Variants in HCN2 observed in about 807,000 individuals in gnomAD.
HCN2 encodes the protein potassium/sodium hyperpolarization-activated cyclic nucleotide-gated channel 2.
In HCN2, 20 loss-of-function variants were observed where a neutral mutation model predicts 52.3. The observed-to-expected ratio is 0.38, with a 90% CI of 0.27 to 0.56. The LOEUF (loss-of-function observed/expected upper bound fraction) is 0.56. Among genes scored for constraint, HCN2 ranks in the 20% least tolerant of loss-of-function variants. The pLI is 0.71. For missense variants in HCN2, 981 were observed against 1,207.7 expected, an observed-to-expected ratio of 0.81 and a Z score of 2.78; for synonymous variants, 694 against 537.0, an observed-to-expected ratio of 1.29 and a Z score of -4.04.
At chr19:601,042 C>T (rs1023855647) in intron 1 of HCN2, among the ~76,000 whole-genome samples, 1 of 152,190 alleles carries the variant, frequency 6.6e-6, no homozygotes, top group Admixed American at 6.5e-5. Context: ...CGGCCGGGCG[C>T]AGTGGCTCAG....
intron 5 of HCN2, among the ~76,000 whole-genome samples, chr19:611,564 A>G (rs1171081772): frequency 1.3e-5 from 2 of 152,226 alleles, no homozygotes; most frequent in Admixed American, 6.5e-5. Flanking sequence ...GGAGGCACAC[A>G]CTGCGGTTCG....
intron 7 of HCN2, among the ~76,000 whole-genome samples, chr19:615,500 CAAGA>C (rs1339020744): frequency 6.6e-6 from 1 of 152,190 alleles, no homozygotes; most frequent in East Asian, 1.9e-4. Flanking sequence ...GGCGACAGAG[CAAGA>C]CTCCGTCTCA....
At chr19:611,629 T>C (rs1303711233) in intron 5 of HCN2, among the ~76,000 whole-genome samples, 1 of 152,222 alleles carries the variant, frequency 6.6e-6, no homozygotes, top group Non-Finnish European at 1.5e-5. Context: ...TTCATTCATT[T>C]GTAGAGATAT....
chr19:602,879 C>T (rs1310925814), intron 1 of HCN2, among the ~76,000 whole-genome samples: 2 of 150,420 alleles, frequency 1.3e-5, no homozygotes, highest in African/African-American at 2.5e-5. Context: ...TCCCTCGGGG[C>T]TGGGTGGCCT....
chr19:606,662 G>A (rs1344035897), intron 3 of HCN2, among the ~76,000 whole-genome samples: 1 of 150,898 alleles, frequency 6.6e-6, no homozygotes, highest in Non-Finnish European at 1.5e-5. Flanking sequence ...AGACCAGCCT[G>A]ACCAACATGC....
At chr19:605,308 G>C in intron 3 of HCN2, 86 bp downstream of exon 3, 24 of 1,343,500 alleles carry the variant, frequency 1.8e-5, no homozygotes, top group Non-Finnish European at 2.3e-5. Flanking sequence ...GCTTACAGAG[G>C]GTTGAACCCA....
Position 613,141 on chromosome 19 carries a change from TCA to T in HCN2, c.1585-106_1585-105del, listed in dbSNP as rs913591339. The T allele has an allele frequency of 2.8e-6, 4 of 1,418,398 alleles. No individual in the cohort carries two copies. In the African/African-American group the frequency reaches 5.7e-5, roughly 20 times the overall value. 87.9% of individuals were successfully genotyped at this position (1,418,398 alleles called of 1,614,324 possible). A position where few individuals can be genotyped will look rare whatever the true frequency, so the allele number is the denominator to read the frequency against. Reference sequence around the variant, plus strand: ...CCGGCTACGGGGCTGAGCCCGTCTCTCAGACGAGGAAACTGGGGTCCGAGAGG... The same window carrying T: ...CCGGCTACGGGGCTGAGCCCGTCTCTGACGAGGAAACTGGGGTCCGAGAGG... On this transcript the variant is annotated intron_variant, in intron 5 of 7. Coordinates refer to ENST00000251287, the MANE Select transcript of HCN2 (RefSeq NM_001194.4).
intron 5 of HCN2, among the ~76,000 whole-genome samples, chr19:611,100 G>A (rs540174978): frequency 1.7e-4 from 25 of 149,460 alleles, no homozygotes; most frequent in East Asian, 7.7e-4. Flanking sequence ...CCGGTTCCTC[G>A]TGGCCTCGCC....
intron 5 of HCN2, among the ~76,000 whole-genome samples, chr19:611,787 G>T (rs1983646507): frequency 1.3e-5 from 2 of 152,150 alleles, no homozygotes; most frequent in South Asian, 2.1e-4. Context: ...CCCGTCCCCA[G>T]CCCCTGGCAA....
chr19:604,984 G>A (rs1270543870), intron 2 of HCN2, 77 bp from the exon 3 acceptor site: 4 of 1,491,296 alleles, frequency 2.7e-6, no homozygotes, highest in South Asian at 2.5e-5. Context: ...CCCGCAGTGG[G>A]GGCGCACGGG....
chr19:599,403 C>T (rs568355276), intron 1 of HCN2, among the ~76,000 whole-genome samples: 4 of 152,302 alleles, frequency 2.6e-5, no homozygotes, highest in African/African-American at 9.6e-5. Flanking sequence ...TGGGGAGTCC[C>T]TCCAGTCCCT....
chr19:597,473 G>A (rs1447093015), intron 1 of HCN2, among the ~76,000 whole-genome samples: 4 of 151,954 alleles, frequency 2.6e-5, no homozygotes, highest in Admixed American at 2.0e-4. Context: ...AGGTCCTCCT[G>A]GTGGTTTCTA....
At chr19:598,852 C>T (rs1303915402) in intron 1 of HCN2, among the ~76,000 whole-genome samples, 2 of 152,248 alleles carry the variant, frequency 1.3e-5, no homozygotes, top group Admixed American at 6.5e-5. Flanking sequence ...TTGTAATCTG[C>T]CCGCCTCAGC....
chr19:593,756 AGAGC>A (rs1982942228), intron 1 of HCN2, among the ~76,000 whole-genome samples: 1 of 152,158 alleles, frequency 6.6e-6, no homozygotes, highest in African/African-American at 2.4e-5. Flanking sequence ...TGCTGGTGGA[AGAGC>A]AAGTTCAAGG....
intron 6 of HCN2, among the ~76,000 whole-genome samples, 168 bp from the exon 7 acceptor site, chr19:613,684 G>GC (rs1983762735): frequency 1.8e-5 from 2 of 112,316 alleles, no homozygotes; most frequent in Non-Finnish European, 1.9e-5. Context: ...TGGGGCCGGG[G>GC]ATGGGGCCGG....
In HCN2 at chr19:604,962, G is replaced by A. The variant is rs1391019361; in HGVS notation, c.1057-99G>A. On this transcript the variant is annotated intron_variant, in intron 2 of 7. Coordinates refer to ENST00000251287, the MANE Select transcript of HCN2 (RefSeq NM_001194.4). ...TGCGGGGCCTTGGATTTGGGGGAGG[G>A]GGCCAGGAGCTCCCGCAGTGGGGGC... The A allele has an allele frequency of 8.4e-6, 11 of 1,309,132 alleles. 1 individual carries two copies. The highest frequency in any genetic ancestry group is 8.3e-6 in the Non-Finnish European group (8 of 962,852). 81.1% of individuals were successfully genotyped at this position (1,309,132 alleles called of 1,614,324 possible). A position where few individuals can be genotyped will look rare whatever the true frequency, so the allele number is the denominator to read the frequency against.
chr19:600,162 G>A (rs1402817643), intron 1 of HCN2, among the ~76,000 whole-genome samples: 1 of 152,022 alleles, frequency 6.6e-6, no homozygotes, highest in Non-Finnish European at 1.5e-5. Context: ...AGAGCCCAGA[G>A]GTTTTTGTTT....
Position 616,428 on chromosome 19 carries a change from TG to T in HCN2, c.2626del (p.Asp876ThrfsTer51). On this transcript the variant is annotated frameshift_variant, in exon 8 of 8. Transcript: ENST00000251287. LOFTEE classifies it low-confidence loss of function (END_TRUNC). ...GCCTCACCCGGCGCCGCCGGCGGCC[TG>T]GACCCCCAGGACTCCGCGCGCTCGC... ...DSASPGAAGG[L>X]DPQDSARSRL... The T allele has an allele frequency of 1.6e-6, 2 of 1,244,998 alleles. No individual in the cohort carries two copies. The highest frequency in any genetic ancestry group is 1.0e-6 in the Non-Finnish European group (1 of 991,802). The allele number at this position is 1,244,998 out of a possible 1,614,324, so 77.1% of individuals were successfully genotyped here.
chr19:592,893 G>C lies in HCN2; in HGVS notation c.632+2316G>C, dbSNP rs1486011229. Among the ~76,000 whole-genome samples the C allele has an allele frequency of 6.6e-6, 1 of 152,192 alleles. No individual in the cohort carries two copies. The highest frequency in any genetic ancestry group is 1.9e-4 in the East Asian group (1 of 5,192). Reference sequence around the variant, plus strand: ...GGCCCCAACTGGCTTCGGGCCCAAGGCCTCCTGTGCCTGGCTGGGTGTCTT... The same window carrying C: ...GGCCCCAACTGGCTTCGGGCCCAAGCCCTCCTGTGCCTGGCTGGGTGTCTT... On this transcript the variant is annotated intron_variant, in intron 1 of 7. Transcript: ENST00000251287. The surrounding 1 kb of genome is among the most constrained non-coding windows in gnomAD (Gnocchi z 4.8).
Sources: gnomAD v4.1 joint callset for allele counts (sites outside exome capture counted in the v4.1 genomes callset) on GRCh38, gnomAD v4.1.1 for gene constraint, Gnocchi (gnomAD v3.1) non-coding constraint, MANE v1.5 for transcripts, NCBI Gene and HGNC (gene_info 2026-07-23, HGNC 2026-07-21) for gene names.